Variants in PKN2 observed in about 807,000 individuals in gnomAD.
The protein encoded by PKN2 is protein kinase N2.
PKN2 carries 38 observed loss-of-function variants against 119.1 expected under a neutral mutation model. The observed-to-expected ratio is 0.32, with a 90% CI of 0.25 to 0.42. PKN2 has a LOEUF of 0.42. Ranked by LOEUF, PKN2 falls within the 10% of genes least tolerant of loss-of-function variation. The probability of loss-of-function intolerance (pLI) is 1.00; values close to 1 mark genes in which losing one functional copy is unlikely to be tolerated. For missense variants in PKN2, 850 were observed against 1,165.1 expected, an observed-to-expected ratio of 0.73 and a Z score of 3.94; for synonymous variants, 390 against 384.9, an observed-to-expected ratio of 1.01 and a Z score of -0.15.
Position 88,730,177 on chromosome 1 carries a change from AC to A in PKN2, c.49-10810del, listed in dbSNP as rs1379521647. ...GAGACTCCGTCTCAAAAAAAAAAAA[AC>A]ACCAGTCTTTATATGGCCTACAGGG... On this transcript the variant is annotated intron_variant, in intron 1 of 21. Coordinates refer to ENST00000370521, the MANE Select transcript of PKN2 (RefSeq NM_006256.4). Among the ~76,000 whole-genome samples the A allele has an allele frequency of 3.1e-3, 466 of 152,162 alleles. 5 individuals are homozygous for A. The highest frequency in any genetic ancestry group is 0.011 in the African/African-American group (447 of 41,488).
intron 1 of PKN2, among the ~76,000 whole-genome samples, chr1:88,710,667 G>T (rs1190087470): frequency 2.6e-5 from 4 of 152,174 alleles, no homozygotes; most frequent in Non-Finnish European, 5.9e-5. Context: ...TGCTGTCGAG[G>T]TGGAGAAAAA....
At chr1:88,746,034 A>G (rs1030893981) in intron 2 of PKN2, among the ~76,000 whole-genome samples, 1 of 152,172 alleles carries the variant, frequency 6.6e-6, no homozygotes, top group African/African-American at 2.4e-5. Flanking sequence ...ATGCAGAAGA[A>G]GGAAGATGAA....
intron 2 of PKN2, among the ~76,000 whole-genome samples, chr1:88,757,203 A>G (rs1243988390): frequency 1.3e-5 from 2 of 152,238 alleles, no homozygotes; most frequent in Admixed American, 6.5e-5. Flanking sequence ...TATGTAAAGT[A>G]TGGATAATAT....
intron 18 of PKN2, among the ~76,000 whole-genome samples, chr1:88,827,701 TG>T (rs1296227985): frequency 7.0e-6 from 1 of 143,610 alleles, no homozygotes; most frequent in African/African-American, 2.6e-5. Context: ...TAATATATAT[TG>T]AGATATATAT....
chr1:88,744,929 T>G (rs144338045), intron 2 of PKN2, among the ~76,000 whole-genome samples: 3 of 152,360 alleles, frequency 2.0e-5, no homozygotes, highest in African/African-American at 7.2e-5. Context: ...AATGAATTTT[T>G]TATTTTCTCA....
intron 1 of PKN2, among the ~76,000 whole-genome samples, chr1:88,704,852 TA>T (rs1268875140): frequency 1.3e-5 from 2 of 150,920 alleles, no homozygotes; most frequent in African/African-American, 5.0e-5. Context: ...TTAATAGTTT[TA>T]ATTTTAGCTA....
At chr1:88,691,872 A>C (rs1666347243) in intron 1 of PKN2, among the ~76,000 whole-genome samples, 1 of 152,226 alleles carries the variant, frequency 6.6e-6, no homozygotes, top group African/African-American at 2.4e-5. Context: ...TATAGTTATA[A>C]TTGTTCTATT....
chr1:88,833,123 A>G lies in PKN2; in HGVS notation c.2717A>G (p.Asp906Gly). 1 of 1,613,134 alleles carries G rather than the reference A, an allele frequency of 6.2e-7. No homozygotes were observed. The change falls in exon 21 of 22, where the codon GAT (aspartate) becomes GGT (glycine). Residue 906 changes from aspartate to glycine, a missense_variant. Transcript: ENST00000370521. Reference sequence around the variant, plus strand: ...CGGCGCCTTGGGGCTAGCGAGAAAGATGCAGAGGATGTAAAAAAGCACCCA... The same window carrying G: ...CGGCGCCTTGGGGCTAGCGAGAAAGGTGCAGAGGATGTAAAAAAGCACCCA... ...PERRLGASEK[D>G]AEDVKKHPFF...
rs1290788671 is a variant in PKN2, at chr1:88,698,864, TGTTA to T, written c.48+14241_48+14244del. 3.3e-5 allele frequency among the ~76,000 whole-genome samples: 5 copies of T among 152,348 alleles called. No homozygotes were observed. In the South Asian group the frequency reaches 6.2e-4, roughly 19 times the overall value. ...TTTTCCCTTCTTCATTTCCTAAATGTGTTAGTTACATTATTATTTTTAGTTTTTT... is the reference window on the plus strand; with the variant it reads ...TTTTCCCTTCTTCATTTCCTAAATGTGTTACATTATTATTTTTAGTTTTTT... On this transcript the variant is annotated intron_variant, in intron 1 of 21. Transcript: ENST00000370521.
At chr1:88,789,180 T>G (rs1670706471) in intron 8 of PKN2, among the ~76,000 whole-genome samples, 1 of 152,092 alleles carries the variant, frequency 6.6e-6, no homozygotes, top group Non-Finnish European at 1.5e-5. Flanking sequence ...GTAGGATTCA[T>G]GGATTGGGAC....
intron 1 of PKN2, among the ~76,000 whole-genome samples, chr1:88,739,261 C>T (rs747718708): frequency 6.6e-6 from 1 of 151,442 alleles, no homozygotes; most frequent in Non-Finnish European, 1.5e-5. Flanking sequence ...TCACTTAGGC[C>T]AAGAGTTTGA....
chr1:88,789,662 CATAAT>C (rs1166382907), intron 8 of PKN2, among the ~76,000 whole-genome samples: 1 of 146,432 alleles, frequency 6.8e-6, no homozygotes, highest in Non-Finnish European at 1.5e-5. Context: ...GACTCTATCT[CATAAT>C]AATAATAATA....
At chr1:88,702,115 A>G (rs895266714) in intron 1 of PKN2, among the ~76,000 whole-genome samples, 2 of 152,012 alleles carry the variant, frequency 1.3e-5, no homozygotes, top group African/African-American at 2.4e-5. Context: ...TGTGCCACCA[A>G]GCCCAGCTAA....
chr1:88,717,741 C>T (rs1667511866), intron 1 of PKN2, among the ~76,000 whole-genome samples: 1 of 152,026 alleles, frequency 6.6e-6, no homozygotes, highest in Admixed American at 6.6e-5. Context: ...GTTCGAACAT[C>T]CTCCTTTAGC....
At chr1:88,722,019 C>T (rs138683288) in intron 1 of PKN2, among the ~76,000 whole-genome samples, 16 of 152,244 alleles carry the variant, frequency 1.1e-4, no homozygotes, top group African/African-American at 2.2e-4. Context: ...CAGTACTAGA[C>T]GAAAGTTGAT....
rs148902846 is a variant in PKN2 at position 88,770,489 on chromosome 1, T to A, written c.622+20T>A. 3.2e-6 allele frequency: 4 copies of A among 1,268,980 alleles called. No individual in the cohort carries two copies. The East Asian group carries it at 9.2e-5, about 29-fold the overall frequency. The allele number at this position is 1,268,980 out of a possible 1,614,324, so 78.6% of individuals were successfully genotyped here. On this transcript the variant is annotated intron_variant, in intron 4 of 21. Transcript: ENST00000370521. ...ATAATGGTGATGGAATAAATTGTCCTCCTTCTTATGAGCATAATGGTGCTA... is the reference window on the plus strand; with the variant it reads ...ATAATGGTGATGGAATAAATTGTCCACCTTCTTATGAGCATAATGGTGCTA...
intron 6 of PKN2, among the ~76,000 whole-genome samples, chr1:88,775,782 A>G (rs1198323803): frequency 1.3e-5 from 2 of 152,194 alleles, no homozygotes; most frequent in African/African-American, 4.8e-5. Context: ...CATAAAGGAA[A>G]CAAAAAGAAG....
chr1:88,696,665 A>G (rs548779763), intron 1 of PKN2, among the ~76,000 whole-genome samples: 54 of 152,266 alleles, frequency 3.5e-4, no homozygotes, highest in African/African-American at 1.3e-3. Context: ...ATGGCAGTGG[A>G]GGGATGAGAT....
At chr1:88,828,699 C>A in intron 19 of PKN2, 76 bp downstream of exon 19, 1 of 1,203,908 alleles carries the variant, frequency 8.3e-7, no homozygotes, top group Non-Finnish European at 1.2e-6. Flanking sequence ...ATAAAACCAC[C>A]TAATACTGTC....
Sources: allele counts gnomAD v4.1 joint callset (sites outside exome capture counted in the v4.1 genomes callset), GRCh38; gene constraint gnomAD v4.1.1; transcripts MANE v1.5; gene names NCBI Gene and HGNC (gene_info 2026-07-23, HGNC 2026-07-21).